The following CHMP3 variants were observed in gnomAD, a reference collection of about 807,000 sequenced individuals.
CHMP3 encodes the protein charged multivesicular body protein 3, also known as 25.1 protein.
Under a neutral mutation model 27.4 loss-of-function variants are expected in CHMP3, and 8 were observed. The observed-to-expected ratio is 0.29, with a 90% CI of 0.17 to 0.53. The LOEUF (loss-of-function observed/expected upper bound fraction) is 0.53. Ranked by LOEUF, CHMP3 falls within the 20% of genes least tolerant of loss-of-function variation. The pLI, the probability that CHMP3 is intolerant of heterozygous loss-of-function variation, is 0.96. For synonymous variants in CHMP3, 86 were observed against 85.5 expected (o/e 1.01, Z -0.03); for missense variants, 208 against 271.5 (o/e 0.77, Z 1.64).
rs1675047495 is a variant in CHMP3, at chr2:86,510,263, T to G, written c.408+95A>C. The G allele has an allele frequency of 1.3e-5, 20 of 1,522,102 alleles. No individual in the cohort carries two copies. The South Asian group carries it at 2.1e-4, about 16-fold the overall frequency. 94.3% of individuals were successfully genotyped at this position (1,522,102 alleles called of 1,614,324 possible). On this transcript the variant is annotated intron_variant, in intron 4 of 5. Coordinates refer to ENST00000263856, the MANE Select transcript of CHMP3 (RefSeq NM_016079.4). ...TTAATTCTGTCTAGCAGGTGTAGTC[T>G]GTTCATCCCCACCCACCCTCATCCC...
chr2:86,516,330 T>A (rs1285421444), intron 3 of CHMP3, among the ~76,000 whole-genome samples: 4 of 152,152 alleles, frequency 2.6e-5, no homozygotes, highest in Non-Finnish European at 5.9e-5. Flanking sequence ...TTTAAACATT[T>A]CATCAAAGAG....
chr2:86,509,847 T>A (rs1208204861), intron 4 of CHMP3, among the ~76,000 whole-genome samples: 1 of 152,192 alleles, frequency 6.6e-6, no homozygotes, highest in African/African-American at 2.4e-5. Flanking sequence ...AGCAATGCCT[T>A]CTTTATCCCT....
intron 1 of CHMP3, among the ~76,000 whole-genome samples, chr2:86,548,722 C>G (rs1676718110): frequency 6.6e-6 from 1 of 152,192 alleles, no homozygotes; most frequent in Non-Finnish European, 1.5e-5. Flanking sequence ...ATTGGGTACA[C>G]TTCCCAGATG....
At chr2:86,529,798 T>A (rs1030661042) in intron 2 of CHMP3, among the ~76,000 whole-genome samples, 3 of 152,200 alleles carry the variant, frequency 2.0e-5, no homozygotes, top group Non-Finnish European at 4.4e-5. Flanking sequence ...ATTATAAGTC[T>A]CATACTGGCA....
At position 86,505,165 on chromosome 2, in the gene CHMP3, T is replaced by C. The variant is rs978803774; in HGVS notation, c.*639A>G. ...GGAAGGAAGGGACAGAAGCTCTAAA[T>C]AGACCCACATGCACACCCCAGGACA... On this transcript the variant is annotated 3_prime_UTR_variant, in exon 6 of 6. Coordinates refer to ENST00000263856, the MANE Select transcript of CHMP3 (RefSeq NM_016079.4). 1 of 152,660 alleles carries C rather than the reference T, an allele frequency of 6.6e-6. No individual in the cohort carries two copies. The highest frequency in any genetic ancestry group is 1.5e-5 in the Non-Finnish European group (1 of 68,242). The allele number at this position is 152,660 out of a possible 1,614,324, so 9.5% of individuals were successfully genotyped here. A position where few individuals can be genotyped will look rare whatever the true frequency, so the allele number is the denominator to read the frequency against.
At chr2:86,555,064 T>G (rs1027674376) in intron 1 of CHMP3, among the ~76,000 whole-genome samples, 7 of 152,038 alleles carry the variant, frequency 4.6e-5, no homozygotes, top group Non-Finnish European at 8.8e-5. Flanking sequence ...GCCAGGCTGG[T>G]CTTGAACTCC....
At chr2:86,519,331 C>T (rs1160792298) in intron 3 of CHMP3, among the ~76,000 whole-genome samples, 1 of 149,940 alleles carries the variant, frequency 6.7e-6, no homozygotes, top group African/African-American at 2.4e-5. Flanking sequence ...TGCCACTGCG[C>T]TCCAGCCTGG....
At chr2:86,549,692 G>A (rs1219735327) in intron 1 of CHMP3, among the ~76,000 whole-genome samples, 1 of 146,168 alleles carries the variant, frequency 6.8e-6, no homozygotes, top group Non-Finnish European at 1.5e-5. Context: ...GCCGGGCAGA[G>A]ACGCCCCTCA....
chr2:86,522,609 C>T (rs1395239562), intron 3 of CHMP3, among the ~76,000 whole-genome samples: 1 of 152,142 alleles, frequency 6.6e-6, no homozygotes, highest in Admixed American at 6.5e-5. Flanking sequence ...TTTCCAGGCT[C>T]AAAGGCTCAG....
At chr2:86,556,359 T>C (rs934319680) in intron 1 of CHMP3, among the ~76,000 whole-genome samples, 1 of 152,210 alleles carries the variant, frequency 6.6e-6, no homozygotes, top group Non-Finnish European at 1.5e-5. Flanking sequence ...AATCTGCCTA[T>C]TCCTGTCACT....
intron 5 of CHMP3, among the ~76,000 whole-genome samples, chr2:86,506,853 C>T (rs1471668244): frequency 2.6e-5 from 4 of 152,216 alleles, no homozygotes; most frequent in African/African-American, 9.6e-5. Context: ...AATCCACTTG[C>T]CTCAGCCTCC....
At chr2:86,553,907 T>C (rs1324790880) in intron 1 of CHMP3, among the ~76,000 whole-genome samples, 1 of 152,256 alleles carries the variant, frequency 6.6e-6, no homozygotes, top group Non-Finnish European at 1.5e-5. Flanking sequence ...TATCAACATT[T>C]GATTATACAG....
At chr2:86,517,347 A>C (rs969059306) in intron 3 of CHMP3, among the ~76,000 whole-genome samples, 6 of 152,152 alleles carry the variant, frequency 3.9e-5, no homozygotes, top group African/African-American at 1.4e-4. Context: ...AGGGCAGATC[A>C]TGAGGTCAGG....
intron 3 of CHMP3, among the ~76,000 whole-genome samples, chr2:86,525,885 T>C (rs989129220): frequency 2.6e-5 from 4 of 152,146 alleles, no homozygotes; most frequent in African/African-American, 9.7e-5. Flanking sequence ...TGAGTGGAGA[T>C]GCCAATTACG....
chr2:86,550,962 G>A (rs1035653269), intron 1 of CHMP3, among the ~76,000 whole-genome samples: 43 of 151,990 alleles, frequency 2.8e-4, no homozygotes, highest in African/African-American at 8.5e-4. Context: ...TGGTATGGGC[G>A]GAGGGACCCT....
rs549763296 is a variant in CHMP3, at chr2:86,553,121, G to A, written c.45+10183C>T. Among the ~76,000 whole-genome samples the A allele has an allele frequency of 7.2e-4, 109 of 151,512 alleles. 1 individual carries two copies. The highest frequency in any genetic ancestry group is 1.3e-3 in the Non-Finnish European group (90 of 67,942). On this transcript the variant is annotated intron_variant, in intron 1 of 5. Coordinates refer to ENST00000263856, the MANE Select transcript of CHMP3 (RefSeq NM_016079.4). ...ATACCTAGGTGATGGGATGATGTGC[G>A]CGGCAAACCACCATGGCACATGTTT...
At position 86,506,031 on chromosome 2, in the gene CHMP3, C is replaced by G. The variant is rs941214340; in HGVS notation, c.524-82G>C. 4 of 1,384,806 alleles carry G rather than the reference C, an allele frequency of 2.9e-6. No individual in the cohort carries two copies. In the South Asian group the frequency reaches 5.5e-5, roughly 19 times the overall value. The allele number at this position is 1,384,806 out of a possible 1,614,324, so 85.8% of individuals were successfully genotyped here. A position where few individuals can be genotyped will look rare whatever the true frequency, so the allele number is the denominator to read the frequency against. ...TCTTCCCTGCCTTTCATTCCTGGAC[C>G]AATCTGACCAGATACAAAAATGAGA... On this transcript the variant is annotated intron_variant, in intron 5 of 5. Coordinates refer to ENST00000263856, the MANE Select transcript of CHMP3 (RefSeq NM_016079.4).
intron 4 of CHMP3, among the ~76,000 whole-genome samples, chr2:86,509,646 G>A (rs1018969509): frequency 2.6e-5 from 4 of 152,180 alleles, no homozygotes; most frequent in Admixed American, 6.5e-5. Context: ...GACAACTCAC[G>A]TGATAAGGTC....
At chr2:86,538,158 A>C (rs1395411985) in intron 2 of CHMP3, among the ~76,000 whole-genome samples, 1 of 152,230 alleles carries the variant, frequency 6.6e-6, no homozygotes, top group African/African-American at 2.4e-5. Context: ...TAAGTGAAAT[A>C]AGCCAGACAC....
Sources: gnomAD v4.1 joint callset for allele counts (sites outside exome capture counted in the v4.1 genomes callset) on GRCh38, gnomAD v4.1.1 for gene constraint, MANE v1.5 for transcripts, NCBI Gene and HGNC (gene_info 2026-07-23, HGNC 2026-07-21) for gene names.